The following DPP6 variants were observed in gnomAD, a reference collection of about 807,000 sequenced individuals.
The protein encoded by DPP6 is dipeptidyl peptidase like 6, also known as A-type potassium channel modulatory protein DPP6.
In DPP6, 69 loss-of-function variants were observed where a neutral mutation model predicts 122.6. The ratio of observed to expected loss-of-function variants is 0.56; its 90% CI spans 0.46 to 0.69. The LOEUF (loss-of-function observed/expected upper bound fraction) is 0.69. Ranked by LOEUF, DPP6 falls within the 30% of genes least tolerant of loss-of-function variation. The pLI is 0.00. For synonymous variants in DPP6, 418 were observed against 433.1 expected, an observed-to-expected ratio of 0.97 and a Z score of 0.43; for missense variants, 928 against 1,116.9, an observed-to-expected ratio of 0.83 and a Z score of 2.41.
At position 154,453,124 on chromosome 7, in the gene DPP6, C is replaced by T. The variant is rs957708746; in HGVS notation, c.358+6796C>T. 4.6e-5 allele frequency among the ~76,000 whole-genome samples: 7 copies of T among 152,184 alleles called. No homozygotes were observed. The East Asian group carries it at 1.2e-3, about 25-fold the overall frequency. On this transcript the variant is annotated intron_variant, in intron 2 of 25. Coordinates refer to ENST00000377770, the MANE Select transcript of DPP6 (RefSeq NM_130797.4). Reference sequence around the variant, plus strand: ...CCGTGACCTTCTCCGGTGCCACAATCGCTGACGTGGGGGTCGGAAACTCCA... The same window carrying T: ...CCGTGACCTTCTCCGGTGCCACAATTGCTGACGTGGGGGTCGGAAACTCCA...
chr7:154,266,990 C>T (rs1028076036), intron 1 of DPP6, among the ~76,000 whole-genome samples: 8 of 152,190 alleles, frequency 5.3e-5, no homozygotes, highest in African/African-American at 1.7e-4. Context: ...TTAAAACATC[C>T]TCCTTTTCCA....
intron 9 of DPP6, among the ~76,000 whole-genome samples, chr7:154,770,023 A>G (rs541100136): frequency 6.6e-6 from 1 of 152,288 alleles, no homozygotes; most frequent in East Asian, 1.9e-4. Context: ...AAATTCATAC[A>G]TTAAAATCCT....
chr7:153,904,824 G>T (rs539876572), intron 1 of DPP6, among the ~76,000 whole-genome samples: 1 of 152,330 alleles, frequency 6.6e-6, no homozygotes, highest in South Asian at 2.1e-4. Flanking sequence ...CCTTCTGAAG[G>T]TTCACTGAAA....
At chr7:154,102,496 T>G (rs1353567490) in intron 1 of DPP6, among the ~76,000 whole-genome samples, 1 of 152,118 alleles carries the variant, frequency 6.6e-6, no homozygotes, top group African/African-American at 2.4e-5. Context: ...GCCAAGCCCC[T>G]TTTTAGTTTC....
intron 1 of DPP6, among the ~76,000 whole-genome samples, chr7:153,943,972 CCT>C (rs1051054168): frequency 1.3e-5 from 2 of 152,156 alleles, no homozygotes; most frequent in Non-Finnish European, 2.9e-5. Context: ...TCTTTCCTTC[CCT>C]CTCTCCTCAG....
chr7:154,559,725 G>A (rs114562944), intron 4 of DPP6, among the ~76,000 whole-genome samples: 3,812 of 151,822 alleles, frequency 0.025, 63 homozygotes, highest in African/African-American at 0.041. Flanking sequence ...AACACTGTCA[G>A]TCTACAGTTC....
upstream of DPP6, among the ~76,000 whole-genome samples, chr7:154,049,314 G>A (rs1444317391): frequency 3.6e-5 from 5 of 139,004 alleles, no homozygotes; most frequent in Admixed American, 7.2e-5. Flanking sequence ...TTGTGTGTGT[G>A]TGTGTGTGTG....
chr7:154,512,384 T>C (rs1826160217), intron 3 of DPP6, among the ~76,000 whole-genome samples: 1 of 152,198 alleles, frequency 6.6e-6, no homozygotes, highest in Non-Finnish European at 1.5e-5. Flanking sequence ...TTCATGACAG[T>C]ATCATTGATA....
chr7:154,305,578 G>T, intron 1 of DPP6: 3 of 1,583,446 alleles, frequency 1.9e-6, no homozygotes, highest in Non-Finnish European at 2.6e-6. Flanking sequence ...GGGTCCGTGT[G>T]TGTGTGTGTG....
intron 1 of DPP6, among the ~76,000 whole-genome samples, chr7:154,391,190 C>T (rs1814588461): frequency 6.6e-6 from 1 of 152,168 alleles, no homozygotes; most frequent in African/African-American, 2.4e-5. Context: ...GGGGGCGGTT[C>T]TCAGTCAGAA....
intron 1 of DPP6, among the ~76,000 whole-genome samples, chr7:154,096,410 G>A (rs1390548992): frequency 1.6e-5 from 2 of 126,916 alleles, no homozygotes; most frequent in Non-Finnish European, 3.2e-5. Flanking sequence ...AAAATGGCAA[G>A]AGGTAAATGC....
At chr7:154,345,879 C>G (rs976684369) in intron 1 of DPP6, among the ~76,000 whole-genome samples, 1 of 152,196 alleles carries the variant, frequency 6.6e-6, no homozygotes, top group Admixed American at 6.5e-5. Flanking sequence ...CTGCTGCTCC[C>G]TCGTTCCATC....
chr7:154,678,219 C>T (rs533480985), intron 7 of DPP6, among the ~76,000 whole-genome samples: 80 of 152,338 alleles, frequency 5.3e-4, no homozygotes, highest in Non-Finnish European at 1.0e-3. Flanking sequence ...GAAATAAAAG[C>T]TGGCCACCGC....
At chr7:154,471,536 G>C (rs958800433) in intron 2 of DPP6, among the ~76,000 whole-genome samples, 33 of 152,044 alleles carry the variant, frequency 2.2e-4, no homozygotes, top group African/African-American at 7.7e-4. Flanking sequence ...TCACCCATTT[G>C]GGGGAAAGGG....
intron 2 of DPP6, among the ~76,000 whole-genome samples, chr7:154,458,419 C>A (rs970165140): frequency 1.8e-4 from 28 of 152,282 alleles, no homozygotes; most frequent in African/African-American, 6.7e-4. Context: ...GCTCATTAAA[C>A]CTCTTTTTCT....
At chr7:154,749,667 A>T (rs1843259876) in intron 8 of DPP6, among the ~76,000 whole-genome samples, 2 of 82,786 alleles carry the variant, frequency 2.4e-5, no homozygotes, top group African/African-American at 4.5e-5. Flanking sequence ...GGCATTACTG[A>T]GAGAGGATGA....
intron 1 of DPP6, among the ~76,000 whole-genome samples, chr7:154,380,287 A>C (rs1167845272): frequency 6.6e-6 from 1 of 152,200 alleles, no homozygotes; most frequent in African/African-American, 2.4e-5. Context: ...ACACACGCTG[A>C]AGTATTTTGG....
intron 1 of DPP6, among the ~76,000 whole-genome samples, chr7:154,130,558 G>A (rs1795217489): frequency 2.0e-5 from 3 of 152,326 alleles, no homozygotes; most frequent in Admixed American, 2.0e-4. Context: ...TGCCATGAGG[G>A]AAAGCGTATC....
chr7:154,526,362 G>C (rs79134892), intron 3 of DPP6, among the ~76,000 whole-genome samples: 4,172 of 152,208 alleles, frequency 0.027, 89 homozygotes, highest in South Asian at 0.083. Context: ...ATAGGCTGTG[G>C]TGTAAACTAA....
Sources: gnomAD v4.1 joint callset for allele counts (sites outside exome capture counted in the v4.1 genomes callset) on GRCh38, gnomAD v4.1.1 for gene constraint, MANE v1.5 for transcripts, NCBI Gene and HGNC (gene_info 2026-07-23, HGNC 2026-07-21) for gene names.